The following UGGT2 variants were observed in gnomAD, a reference collection of about 807,000 sequenced individuals.
UGGT2 encodes the protein UDP-glucose glycoprotein glucosyltransferase 2, also known as UDP-glucose:glycoprotein glucosyltransferase 2.
UGGT2 carries 180 observed loss-of-function variants against 192.1 expected under a neutral mutation model. The ratio of observed to expected loss-of-function variants is 0.94; its 90% CI spans 0.83 to 1.06. The LOEUF (loss-of-function observed/expected upper bound fraction) is 1.06. UGGT2 is among the 50% of genes least tolerant of loss of function. UGGT2 has a pLI of 0.00. For synonymous variants in UGGT2, 580 were observed against 591.0 expected (o/e 0.98, Z 0.27); for missense variants, 1,849 against 1,795.7 (o/e 1.03, Z -0.54).
intron 27 of UGGT2, among the ~76,000 whole-genome samples, chr13:95,880,033 C>A (rs1056552430): frequency 7.9e-5 from 12 of 152,050 alleles, no homozygotes; most frequent in Admixed American, 5.9e-4. Flanking sequence ...TAATGCTATC[C>A]CTTCCCCTAG....
intron 1 of UGGT2, among the ~76,000 whole-genome samples, chr13:96,042,465 AC>A (rs1381453849): frequency 6.6e-6 from 1 of 152,082 alleles, no homozygotes; most frequent in East Asian, 1.9e-4. Context: ...GTTCTTTAAC[AC>A]CCCCCAAAAA....
chr13:95,972,897 G>A (rs73560896), intron 10 of UGGT2, among the ~76,000 whole-genome samples: 3,000 of 152,346 alleles, frequency 0.02, 99 homozygotes, highest in African/African-American at 0.069. Context: ...TAGGCCAGGC[G>A]TGGCGGCTTA....
intron 10 of UGGT2, among the ~76,000 whole-genome samples, chr13:95,982,647 A>AAG (rs905286887): frequency 1.3e-5 from 2 of 151,720 alleles, no homozygotes; most frequent in African/African-American, 2.4e-5. Context: ...TCTCTCTCAT[A>AAG]AGAGAGAGAG....
At chr13:95,854,008 G>T (rs1456781949) in intron 35 of UGGT2, among the ~76,000 whole-genome samples, 1 of 152,050 alleles carries the variant, frequency 6.6e-6, no homozygotes, top group Admixed American at 6.6e-5. Context: ...ATATTACTTG[G>T]GTTTAACTCT....
chr13:95,990,170 A>C (rs1424980231), intron 7 of UGGT2, 97 bp from the exon 8 acceptor site: 12 of 618,812 alleles, frequency 1.9e-5, no homozygotes, highest in Non-Finnish European at 2.6e-6. Context: ...ATGTAATTAG[A>C]CATAAATGAA....
intron 1 of UGGT2, among the ~76,000 whole-genome samples, chr13:96,045,673 G>A (rs930043003): frequency 6.6e-6 from 1 of 152,130 alleles, no homozygotes; most frequent in Admixed American, 6.5e-5. Context: ...CAAATCAGTT[G>A]CTCTCTTATA....
At chr13:95,925,592 G>T in intron 20 of UGGT2, 88 bp downstream of exon 20, 1 of 871,750 alleles carries the variant, frequency 1.1e-6, no homozygotes, top group Non-Finnish European at 1.6e-6. Context: ...TTAACATGGA[G>T]GGGAAAATAT....
At position 96,023,754 on chromosome 13, in the gene UGGT2, C is replaced by T. The variant is rs1212412423; in HGVS notation, c.247G>A (p.Asp83Asn). The change falls in exon 3 of 39, where the codon GAT becomes AAT. Residue 83 changes from aspartate (D) to asparagine (N), a missense_variant. Coordinates refer to ENST00000376747, the MANE Select transcript of UGGT2 (RefSeq NM_020121.4). ...AGGATTAAGTTGTAATAAGAATAAT[C>T]TGATTCTATAAAAAGAAGTCAAAAG... The part of the protein sequence containing the change: ...ELAIYKQTES[D>N]YSYYNLILKK... 3 of 1,588,640 alleles carry T rather than the reference C, an allele frequency of 1.9e-6. No homozygotes were observed. Among genetic ancestry groups the T allele is most frequent in the East Asian group, 2.3e-5 (1 of 44,378 alleles).
At chr13:95,845,611 C>A (rs1321676156) in intron 36 of UGGT2, among the ~76,000 whole-genome samples, 3 of 151,864 alleles carry the variant, frequency 2.0e-5, no homozygotes, top group African/African-American at 7.3e-5. Flanking sequence ...TCTTTCTTTT[C>A]CCCACATTTC....
Position 95,902,858 on chromosome 13 carries a change from A to T in UGGT2, c.2498T>A (p.Ile833Asn), listed in dbSNP as rs199622790. The change falls in exon 21 of 39, where the codon ATT becomes AAT. Residue 833 changes from isoleucine to asparagine, a missense_variant. Coordinates refer to ENST00000376747, the MANE Select transcript of UGGT2 (RefSeq NM_020121.4). Reference protein sequence around the residue: ...YSGDKIKTFLIEGMDKNAFEK... With the variant: ...YSGDKIKTFLNEGMDKNAFEK... The stretch of plus-strand genomic sequence containing the variant: ...ATATTTCAAATAGCTACTGACCTCA[A>T]TAAGGAATGTTTTAATTTTATCTCC... 6.2e-7 allele frequency: 1 copy of T among 1,612,294 alleles called. No homozygotes were observed. The highest frequency in any genetic ancestry group is 1.3e-5 in the African/African-American group (1 of 74,862).
intron 36 of UGGT2, 123 bp downstream of exon 36, chr13:95,853,420 A>G: frequency 1.6e-6 from 1 of 629,050 alleles, no homozygotes; most frequent in Admixed American, 3.5e-5. Context: ...TCCAATAGAT[A>G]ATTACATAAA....
rs543496899 is a variant in UGGT2 at position 95,907,838 on chromosome 13, C to T, written c.2296-4778G>A. Among the ~76,000 whole-genome samples the T allele has an allele frequency of 2.0e-5, 3 of 152,336 alleles. No individual in the cohort carries two copies. In the East Asian group the frequency reaches 5.8e-4, roughly 29 times the overall value. On this transcript the variant is annotated intron_variant, in intron 20 of 38. Transcript: ENST00000376747. Reference sequence around the variant, plus strand: ...AATTCTAAAAATCAAAGGGCCTCTTCTCCTCCAAAGGATCGCAGCTCCTCG... The same window carrying T: ...AATTCTAAAAATCAAAGGGCCTCTTTTCCTCCAAAGGATCGCAGCTCCTCG...
At chr13:95,811,521 T>C (rs1474640259) in intron 38 of UGGT2, among the ~76,000 whole-genome samples, 1 of 152,162 alleles carries the variant, frequency 6.6e-6, no homozygotes, top group Admixed American at 6.6e-5. Flanking sequence ...GTAGTGAATA[T>C]GTTCTAATTT....
chr13:95,935,064 T>G (rs1291294373), intron 17 of UGGT2, among the ~76,000 whole-genome samples: 2 of 152,200 alleles, frequency 1.3e-5, no homozygotes, highest in East Asian at 3.8e-4. Context: ...TTTGTTTTGT[T>G]TTGTTTGCAT....
intron 17 of UGGT2, among the ~76,000 whole-genome samples, chr13:95,928,971 T>G (rs889176185): frequency 1.3e-5 from 2 of 152,102 alleles, no homozygotes; most frequent in African/African-American, 4.8e-5. Flanking sequence ...GGCTGGCAGA[T>G]CACTCGAGGT....
At chr13:96,049,946 C>A (rs1054534956) in intron 1 of UGGT2, among the ~76,000 whole-genome samples, 2 of 152,174 alleles carry the variant, frequency 1.3e-5, no homozygotes, top group African/African-American at 4.8e-5. Flanking sequence ...ATCAAGCTAC[C>A]AATGACTTTC....
chr13:95,838,766 C>T (rs61972866), intron 36 of UGGT2, among the ~76,000 whole-genome samples: 3,478 of 152,152 alleles, frequency 0.023, 58 homozygotes, highest in Non-Finnish European at 0.034. Context: ...GAATCCCTTC[C>T]TTAAATAACC....
chr13:95,974,638 C>G (rs816137), intron 10 of UGGT2, among the ~76,000 whole-genome samples: 148,009 of 152,256 alleles, frequency 0.97, 72,091 homozygotes, highest in East Asian at 1. Context: ...CAGAGAGTTA[C>G]CCTTAAGTCC....
At chr13:95,897,327 C>T (rs537537994) in intron 22 of UGGT2, among the ~76,000 whole-genome samples, 3 of 152,150 alleles carry the variant, frequency 2.0e-5, no homozygotes, top group South Asian at 4.1e-4. Flanking sequence ...TGCTTTTGTT[C>T]CCTACTCCCT....
Sources: gnomAD v4.1 joint callset for allele counts (sites outside exome capture counted in the v4.1 genomes callset) on GRCh38, gnomAD v4.1.1 for gene constraint, MANE v1.5 for transcripts, NCBI Gene and HGNC (gene_info 2026-07-23, HGNC 2026-07-21) for gene names.